PGM5: variants seen among roughly 807,000 people sequenced by gnomAD.
PGM5 encodes phosphoglucomutase-like protein 5.
A neutral mutation model predicts 59.2 loss-of-function variants in PGM5; 23 were observed. That is an observed-to-expected ratio of 0.39 (90% CI 0.28 to 0.55). The LOEUF (loss-of-function observed/expected upper bound fraction) is 0.55, where lower values mean the gene tolerates loss of function less well. Ranked by LOEUF, PGM5 falls within the 20% of genes least tolerant of loss-of-function variation. The pLI is 0.66. For missense variants in PGM5, 574 were observed against 748.3 expected (o/e 0.77, Z 2.72); for synonymous variants, 214 against 286.0 (o/e 0.75, Z 2.54).
chr9:68,426,095 A>G (rs1383417679), intron 6 of PGM5, among the ~76,000 whole-genome samples: 1 of 152,172 alleles, frequency 6.6e-6, no homozygotes, highest in Non-Finnish European at 1.5e-5. Context: ...TATGTCCATG[A>G]TTAAAAACTT....
intron 7 of PGM5, among the ~76,000 whole-genome samples, chr9:68,475,586 T>C (rs574631509): frequency 1.2e-4 from 18 of 152,140 alleles, no homozygotes; most frequent in Non-Finnish European, 2.6e-4. Flanking sequence ...AATGCACAAT[T>C]ACCTATTGGA....
At chr9:68,384,647 T>G in intron 3 of PGM5, 103 bp downstream of exon 3, 1 of 724,406 alleles carries the variant, frequency 1.4e-6, no homozygotes. Flanking sequence ...ATTGTTAATC[T>G]CAGGGGTGAC....
intron 1 of PGM5, among the ~76,000 whole-genome samples, chr9:68,369,490 C>A (rs1298447648): frequency 2.6e-5 from 4 of 152,078 alleles, no homozygotes; most frequent in East Asian, 1.9e-4. Context: ...AGACTGTATA[C>A]CTTAAAGATT....
intron 6 of PGM5, among the ~76,000 whole-genome samples, chr9:68,410,147 G>A (rs1255732157): frequency 6.6e-6 from 1 of 152,214 alleles, no homozygotes; most frequent in African/African-American, 2.4e-5. Context: ...CTAGAGAGAG[G>A]ATGAAGAAGA....
intron 6 of PGM5, among the ~76,000 whole-genome samples, chr9:68,458,208 C>G (rs1230075592): frequency 6.6e-6 from 1 of 151,954 alleles, no homozygotes; most frequent in Non-Finnish European, 1.5e-5. Context: ...GGTCAATTTC[C>G]TAAAGCCAAG....
chr9:68,485,587 T>C (rs552669631), intron 9 of PGM5, among the ~76,000 whole-genome samples: 50 of 152,198 alleles, frequency 3.3e-4, no homozygotes, highest in Non-Finnish European at 5.6e-4. Flanking sequence ...TTAAACCTCT[T>C]TTCCGCTATA....
intron 6 of PGM5, among the ~76,000 whole-genome samples, chr9:68,393,047 G>T (rs1822406616): frequency 1.3e-5 from 2 of 151,890 alleles, no homozygotes; most frequent in Admixed American, 1.3e-4. Flanking sequence ...ACTCAGTAGG[G>T]CTCTAACTAA....
intron 1 of PGM5, among the ~76,000 whole-genome samples, chr9:68,360,935 T>C (rs1299221463): frequency 6.6e-6 from 1 of 152,210 alleles, no homozygotes; most frequent in Non-Finnish European, 1.5e-5. Context: ...CTTTTATTTT[T>C]TGAGACAAAG....
intron 6 of PGM5, among the ~76,000 whole-genome samples, chr9:68,446,981 T>C (rs1211912946): frequency 6.6e-6 from 1 of 152,146 alleles, no homozygotes; most frequent in African/African-American, 2.4e-5. Flanking sequence ...AGCCGTTCCT[T>C]AGCTCTGCCC....
intron 7 of PGM5, among the ~76,000 whole-genome samples, chr9:68,474,569 A>G (rs1315406487): frequency 6.6e-6 from 1 of 151,970 alleles, no homozygotes; most frequent in African/African-American, 2.4e-5. Flanking sequence ...TTCTCTAGAA[A>G]AAAAAAAAGG....
intron 2 of PGM5, among the ~76,000 whole-genome samples, chr9:68,380,655 A>G (rs1822044999): frequency 6.6e-6 from 1 of 151,850 alleles, no homozygotes; most frequent in African/African-American, 2.4e-5. Flanking sequence ...TAAAATCAAA[A>G]GTTGGTTCTT....
At chr9:68,436,762 A>G (rs1823447687) in intron 6 of PGM5, among the ~76,000 whole-genome samples, 1 of 152,196 alleles carries the variant, frequency 6.6e-6, no homozygotes, top group Non-Finnish European at 1.5e-5. Context: ...AAAATTCGAT[A>G]TTAACTACAT....
intron 1 of PGM5, among the ~76,000 whole-genome samples, chr9:68,371,986 C>T (rs1443955822): frequency 2.6e-5 from 4 of 152,218 alleles, no homozygotes; most frequent in Non-Finnish European, 5.9e-5. Context: ...CAGACCCTCA[C>T]TGACACCTTG....
At chr9:68,387,877 A>G (rs1407414757) in intron 4 of PGM5, among the ~76,000 whole-genome samples, 1 of 152,010 alleles carries the variant, frequency 6.6e-6, no homozygotes, top group East Asian at 1.9e-4. Context: ...AAACAGTCAA[A>G]TAAATAGTTC....
At chr9:68,420,011 T>C (rs1306805159) in intron 6 of PGM5, among the ~76,000 whole-genome samples, 1 of 152,158 alleles carries the variant, frequency 6.6e-6, no homozygotes, top group Non-Finnish European at 1.5e-5. Flanking sequence ...GCATGGAAAA[T>C]GTCTTGACCC....
intron 7 of PGM5, 151 bp downstream of exon 7, chr9:68,465,359 A>G (rs1445414892): frequency 7.4e-6 from 4 of 543,002 alleles, no homozygotes; most frequent in Non-Finnish European, 3.3e-6. Flanking sequence ...GTGCTGTGAT[A>G]TGCTTACCTC....
intron 10 of PGM5, among the ~76,000 whole-genome samples, chr9:68,524,052 A>C (rs925132069): frequency 2.6e-5 from 4 of 152,100 alleles, no homozygotes; most frequent in African/African-American, 9.7e-5. Context: ...ATAAAGCAAA[A>C]GAGAAGATGG....
At chr9:68,515,072 A>T (rs1213921627) in intron 10 of PGM5, among the ~76,000 whole-genome samples, 1 of 152,264 alleles carries the variant, frequency 6.6e-6, no homozygotes, top group Non-Finnish European at 1.5e-5. Context: ...CAAGGCACAA[A>T]GCCTTGCTAA....
intron 7 of PGM5, among the ~76,000 whole-genome samples, chr9:68,470,729 T>C (rs953583388): frequency 2.0e-5 from 3 of 152,318 alleles, no homozygotes; most frequent in African/African-American, 7.2e-5. Context: ...CTTCTTTTTC[T>C]TATTTGTGGC....
Sources: gnomAD v4.1 joint callset for allele counts (sites outside exome capture counted in the v4.1 genomes callset) on GRCh38, gnomAD v4.1.1 for gene constraint, MANE v1.5 for transcripts, NCBI Gene and HGNC (gene_info 2026-07-23, HGNC 2026-07-21) for gene names.